The following LYST variants were observed in gnomAD, a reference collection of about 807,000 sequenced individuals.
LYST encodes lysosomal-trafficking regulator.
In LYST, 192 loss-of-function variants were observed where a neutral mutation model predicts 413.6. The ratio of observed to expected loss-of-function variants is 0.46; its 90% CI spans 0.41 to 0.52. The LOEUF (loss-of-function observed/expected upper bound fraction) is 0.52, where lower values mean the gene tolerates loss of function less well. LYST is among the 20% of genes least tolerant of loss of function. The pLI is 0.00. For missense variants in LYST, 3,815 were observed against 4,499.9 expected (o/e 0.85, Z 4.35); for synonymous variants, 1,525 against 1,567.3 (o/e 0.97, Z 0.64).
intron 40 of LYST, among the ~76,000 whole-genome samples, chr1:235,718,417 A>G (rs1663044332): frequency 6.6e-6 from 1 of 150,774 alleles, no homozygotes; most frequent in African/African-American, 2.4e-5. Context: ...ATCTCAGCTC[A>G]CTGCAACCTC....
At chr1:235,815,318 TA>T (rs1282360046) in intron 3 of LYST, among the ~76,000 whole-genome samples, 1 of 152,104 alleles carries the variant, frequency 6.6e-6, no homozygotes, top group Non-Finnish European at 1.5e-5. Context: ...TGGGTAAAAA[TA>T]AGAAAATTTC....
chr1:235,791,266 G>T (rs1054519765), intron 12 of LYST, among the ~76,000 whole-genome samples: 2 of 151,626 alleles, frequency 1.3e-5, no homozygotes, highest in Non-Finnish European at 3.0e-5. Flanking sequence ...TGGGCAACAA[G>T]AGTGAAACTG....
At chr1:235,713,490 A>G (rs1367786853) in intron 42 of LYST, among the ~76,000 whole-genome samples, 1 of 152,202 alleles carries the variant, frequency 6.6e-6, no homozygotes, top group Non-Finnish European at 1.5e-5. Context: ...ACTACTACAA[A>G]TTCCCATTAT....
Position 235,751,079 on chromosome 1 carries a change from C to T in LYST, c.7780+131G>A, listed in dbSNP as rs568910125. 3.9e-4 allele frequency: 344 copies of T among 880,720 alleles called. 6 individuals carry two copies. In the South Asian group the frequency reaches 4.8e-3, roughly 12 times the overall value. The allele number at this position is 880,720 out of a possible 1,614,324, so 54.6% of individuals were successfully genotyped here. On this transcript the variant is annotated intron_variant, in intron 28 of 52. Coordinates refer to ENST00000389793, the MANE Select transcript of LYST (RefSeq NM_000081.4). ...CTAAAAGTAAGGAGCAGAATAGTTT[C>T]CTTCAGGAAAAAATCTTTCTTAAAT...
chr1:235,780,125 G>T (rs1669696412), intron 16 of LYST, among the ~76,000 whole-genome samples: 2 of 152,068 alleles, frequency 1.3e-5, no homozygotes, highest in Admixed American at 1.3e-4. Context: ...AAGTTTTTTA[G>T]GCCAGGCATG....
intron 3 of LYST, among the ~76,000 whole-genome samples, chr1:235,819,161 C>T (rs1339930248): frequency 3.3e-5 from 5 of 152,196 alleles, no homozygotes; most frequent in Non-Finnish European, 7.3e-5. Context: ...CACCCTGATG[C>T]CCAATATAGC....
At chr1:235,762,406 GT>G (rs1667681987) in intron 22 of LYST, among the ~76,000 whole-genome samples, 3 of 152,154 alleles carry the variant, frequency 2.0e-5, no homozygotes, top group Admixed American at 2.0e-4. Context: ...GGCAAGTGAA[GT>G]TGTCCAGAAT....
chr1:235,710,099 T>C (rs1210438806), intron 43 of LYST, among the ~76,000 whole-genome samples: 1 of 152,212 alleles, frequency 6.6e-6, no homozygotes, highest in Non-Finnish European at 1.5e-5. Context: ...AAAATGACCT[T>C]TTAAAAGCTG....
In LYST at chr1:235,780,918, G is replaced by A. The variant is rs1389727351; in HGVS notation, c.5161C>T (p.Gln1721Ter). Residue 1721 changes from glutamine (Q) to a stop codon, truncating the protein, a stop_gained, in exon 16 of 53, where the codon CAA (glutamine) becomes TAA (stop). Coordinates refer to ENST00000389793, the MANE Select transcript of LYST (RefSeq NM_000081.4). LOFTEE classifies it high-confidence loss of function. Reference protein sequence around the residue: ...YINKEILRCEQIRELFMTKKD... With the variant: ...YINKEILRCE Reference sequence around the variant, plus strand: ...TTGGTCATAAAAAGTTCTCTGATTTGTTCACATCGCAAAATTTCTTTATTA... The same window carrying A: ...TTGGTCATAAAAAGTTCTCTGATTTATTCACATCGCAAAATTTCTTTATTA... 1 of 1,588,692 alleles carries A rather than the reference G, an allele frequency of 6.3e-7. No individual in the cohort carries two copies.
Position 235,791,879 on chromosome 1 carries a change from G to A in LYST, c.4363C>T (p.Pro1455Ser). 6.2e-7 allele frequency: 1 copy of A among 1,614,162 alleles called. No homozygotes were observed. Among genetic ancestry groups the A allele is most frequent in the Non-Finnish European group, 8.5e-7 (1 of 1,179,998 alleles). Residue 1455 changes from proline to serine, a missense_variant, in exon 12 of 53, where the codon CCA becomes TCA. By Grantham distance (74) the Pro-to-Ser change is moderately conservative. Transcript: ENST00000389793. Reference sequence around the variant, plus strand: ...TGCCCCAGCAACGGCAGGTGGACTGGGGCTATGTGCCAAGATGAAAGCAGC... The same window carrying A: ...TGCCCCAGCAACGGCAGGTGGACTGAGGCTATGTGCCAAGATGAAAGCAGC... The part of the protein sequence containing the change: ...HRLLSSWHIA[P>S]VHLPLLGQNC...
At chr1:235,825,811 T>C (rs543790946) in intron 3 of LYST, among the ~76,000 whole-genome samples, 2 of 152,312 alleles carry the variant, frequency 1.3e-5, no homozygotes, top group Admixed American at 1.3e-4. Context: ...GTGCATTTTG[T>C]AGAAATAACA....
At chr1:235,692,338 A>AAACCAACC (rs562915674) in intron 47 of LYST, among the ~76,000 whole-genome samples, 5 of 151,198 alleles carry the variant, frequency 3.3e-5, no homozygotes, top group Middle Eastern at 3.2e-3. Flanking sequence ...ATCTCATAAC[A>AAACCAACC]AACCAACCAA....
intron 44 of LYST, among the ~76,000 whole-genome samples, chr1:235,708,626 G>T (rs1011037828): frequency 2.0e-5 from 3 of 152,204 alleles, no homozygotes; most frequent in African/African-American, 7.2e-5. Flanking sequence ...CTCAATAAAA[G>T]TCTTGCACAC....
At chr1:235,722,406 G>T (rs886666985) in intron 39 of LYST, among the ~76,000 whole-genome samples, 4 of 152,212 alleles carry the variant, frequency 2.6e-5, no homozygotes, top group Non-Finnish European at 5.9e-5. Flanking sequence ...AGAAATGGTA[G>T]TGAAGGGACT....
At chr1:235,821,900 T>C (rs965517800) in intron 3 of LYST, among the ~76,000 whole-genome samples, 1 of 152,282 alleles carries the variant, frequency 6.6e-6, no homozygotes, top group Admixed American at 6.5e-5. Flanking sequence ...CAGAAAGACT[T>C]AGGTGGTGCC....
intron 28 of LYST, among the ~76,000 whole-genome samples, chr1:235,749,881 T>G (rs1185433551): frequency 6.6e-6 from 1 of 152,124 alleles, no homozygotes; most frequent in African/African-American, 2.4e-5. Flanking sequence ...AGAGAAATCA[T>G]TGACCAAATG....
chr1:235,745,573 T>C (rs1197118097), intron 29 of LYST, among the ~76,000 whole-genome samples: 1 of 152,098 alleles, frequency 6.6e-6, no homozygotes, highest in Non-Finnish European at 1.5e-5. Context: ...TCCTGGGCAC[T>C]TACCCCAGAA....
rs1360451486 is a variant in LYST at position 235,806,416 on chromosome 1, A to G, written c.2720T>C (p.Leu907Ser). The G allele has an allele frequency of 6.2e-7, 1 of 1,614,056 alleles. No individual in the cohort carries two copies. ...AGACTCTGCTTCTTTACTTACGCAT[A>G]AAAAAGCCACACAGAGGAATAGGTT... ...TINLFLCVAF[L>S]CVSKEAESDR... The change falls in exon 6 of 53, where the codon TTA (leucine) becomes TCA (serine). Residue 907 changes from leucine (L) to serine (S), a missense_variant. Physicochemically the swap from Leu to Ser is moderately radical, Grantham distance 145 (BLOSUM62 -2). This residue lies in a region of LYST where 1,648 missense variants were observed against 1,810.3 expected (regional missense o/e 0.91). Coordinates refer to ENST00000389793, the MANE Select transcript of LYST (RefSeq NM_000081.4).
chr1:235,733,771 T>C (rs1444046780), intron 33 of LYST, 59 bp downstream of exon 33: 4 of 1,498,146 alleles, frequency 2.7e-6, no homozygotes, highest in African/African-American at 1.4e-5. Context: ...AAACTAAAAG[T>C]ATATGTGAAA....
Sources: gnomAD v4.1 joint callset for allele counts (sites outside exome capture counted in the v4.1 genomes callset) on GRCh38, gnomAD v4.1.1 for gene constraint, gnomAD v4.1.1 regional missense constraint, MANE v1.5 for transcripts, NCBI Gene and HGNC (gene_info 2026-07-23, HGNC 2026-07-21) for gene names.